The following SUGCT variants were observed in gnomAD, a reference collection of about 807,000 sequenced individuals.
SUGCT encodes the protein succinyl-CoA:glutarate CoA-transferase.
A neutral mutation model predicts 55.0 loss-of-function variants in SUGCT; 41 were observed. That is an observed-to-expected ratio of 0.74 (90% CI 0.58 to 0.97). The LOEUF is 0.97. Ranked by LOEUF, SUGCT falls within the 50% of genes least tolerant of loss-of-function variation. SUGCT has a pLI of 0.00. For missense variants in SUGCT, 568 were observed against 547.8 expected (o/e 1.04, Z -0.37); for synonymous variants, 187 against 200.4 (o/e 0.93, Z 0.56).
chr7:40,732,774 CA>C (rs1176873915), intron 12 of SUGCT, among the ~76,000 whole-genome samples: 1 of 152,112 alleles, frequency 6.6e-6, no homozygotes, highest in Non-Finnish European at 1.5e-5. Flanking sequence ...CATGCTGAAA[CA>C]GTGTGTCTGT....
chr7:40,364,623 A>G (rs892444394), intron 9 of SUGCT, among the ~76,000 whole-genome samples: 4 of 152,110 alleles, frequency 2.6e-5, no homozygotes, highest in African/African-American at 4.8e-5. Flanking sequence ...TCTTTTCTTT[A>G]AGAATGTTGA....
At chr7:40,325,569 C>T (rs1406406550) in intron 9 of SUGCT, among the ~76,000 whole-genome samples, 2 of 152,136 alleles carry the variant, frequency 1.3e-5, no homozygotes, top group African/African-American at 2.4e-5. Context: ...AAATAGGAAC[C>T]ATGGATTTAA....
intron 9 of SUGCT, among the ~76,000 whole-genome samples, chr7:40,433,276 C>T (rs371060275): frequency 1.3e-5 from 2 of 150,574 alleles, no homozygotes; most frequent in African/African-American, 4.9e-5. Flanking sequence ...TATGCCTCTG[C>T]TTCTTTAGGT....
At chr7:40,982,238 A>G in the SUGCT span, among the ~76,000 whole-genome samples, 1 of 152,242 alleles carries the variant, frequency 6.6e-6, no homozygotes, top group Non-Finnish European at 1.5e-5. Context: ...ACAAGTCCAC[A>G]GTGAACATTA....
intron 13 of SUGCT, among the ~76,000 whole-genome samples, chr7:40,833,420 T>C (rs992020475): frequency 1.4e-4 from 22 of 152,230 alleles, no homozygotes; most frequent in African/African-American, 5.3e-4. Flanking sequence ...AAATGACTCT[T>C]TTCTGTAGGA....
intron 12 of SUGCT, among the ~76,000 whole-genome samples, chr7:40,585,932 T>G (rs1236902605): frequency 6.6e-6 from 1 of 152,174 alleles, no homozygotes; most frequent in Non-Finnish European, 1.5e-5. Flanking sequence ...CCATCTGTCT[T>G]GGCCTCCAAT....
At chr7:40,846,236 T>C (rs1793549972) in intron 13 of SUGCT, among the ~76,000 whole-genome samples, 1 of 152,334 alleles carries the variant, frequency 6.6e-6, no homozygotes, top group East Asian at 1.9e-4. Flanking sequence ...GAGCTTGTAT[T>C]GAATATTTGA....
At chr7:40,334,360 C>T (rs1179028781) in intron 9 of SUGCT, among the ~76,000 whole-genome samples, 5 of 152,176 alleles carry the variant, frequency 3.3e-5, no homozygotes, top group Non-Finnish European at 5.9e-5. Context: ...AGTTTACAAT[C>T]CCACCAACAG....
At chr7:40,515,914 G>A (rs369563430) in intron 12 of SUGCT, among the ~76,000 whole-genome samples, 10 of 152,138 alleles carry the variant, frequency 6.6e-5, no homozygotes, top group African/African-American at 9.7e-5. Context: ...ACGTGGCTGC[G>A]CCATTTTCCA....
intron 12 of SUGCT, among the ~76,000 whole-genome samples, chr7:40,584,848 T>A (rs1180941412): frequency 1.3e-5 from 2 of 152,234 alleles, no homozygotes; most frequent in African/African-American, 4.8e-5. Flanking sequence ...GTAATGACTC[T>A]GACTTCCCAG....
At chr7:40,429,323 G>T (rs746320749) in intron 9 of SUGCT, among the ~76,000 whole-genome samples, 1 of 152,058 alleles carries the variant, frequency 6.6e-6, no homozygotes, top group Non-Finnish European at 1.5e-5. Context: ...TGGTGTATTA[G>T]TCAGGGTTCT....
At chr7:40,490,405 C>T (rs983743260) in intron 11 of SUGCT, among the ~76,000 whole-genome samples, 1 of 152,102 alleles carries the variant, frequency 6.6e-6, no homozygotes, top group African/African-American at 2.4e-5. Context: ...GGTGGGGAAC[C>T]TGAATGTCTG....
chr7:40,513,894 A>G (rs549697405), intron 12 of SUGCT, among the ~76,000 whole-genome samples: 7 of 144,314 alleles, frequency 4.9e-5, no homozygotes, highest in Non-Finnish European at 1.0e-4. Flanking sequence ...GGTTTAGGCC[A>G]TTCTCCTGCC....
chr7:40,151,153 T>G (rs1452503713), intron 1 of SUGCT, among the ~76,000 whole-genome samples: 1 of 152,116 alleles, frequency 6.6e-6, no homozygotes, highest in African/African-American at 2.4e-5. Context: ...GGCAGGAGAA[T>G]CGCTTGAACC....
chr7:40,522,612 A>G (rs1272015857), intron 12 of SUGCT, among the ~76,000 whole-genome samples: 1 of 152,132 alleles, frequency 6.6e-6, no homozygotes, highest in South Asian at 2.1e-4. Context: ...TGGAGAAAAA[A>G]TTTTGTAGGA....
chr7:40,376,514 C>G (rs1351953941), intron 9 of SUGCT, among the ~76,000 whole-genome samples: 2 of 151,952 alleles, frequency 1.3e-5, no homozygotes, highest in Non-Finnish European at 2.9e-5. Context: ...GCCTCAGCCT[C>G]CTGAGTAGCT....
intron 12 of SUGCT, among the ~76,000 whole-genome samples, chr7:40,748,152 G>T (rs1414955565): frequency 6.6e-6 from 1 of 152,100 alleles, no homozygotes; most frequent in Non-Finnish European, 1.5e-5. Context: ...TCCCATTGTT[G>T]TGGGATTAGG....
In SUGCT at chr7:40,476,062, ACT is replaced by A. The variant is rs149023002; in HGVS notation, c.986+16867_986+16868del. ...TCAGTTCTAATCCTGGCTCTTGCTA[ACT>A]CTGTCATGTTGGTAAATCATTTAAA... On this transcript the variant is annotated intron_variant, in intron 11 of 13. Transcript: ENST00000335693. 3.0e-3 allele frequency among the ~76,000 whole-genome samples: 457 copies of A among 152,136 alleles called. 2 individuals carry two copies. The highest frequency in any genetic ancestry group is 9.7e-3 in the African/African-American group (404 of 41,510).
the SUGCT span, among the ~76,000 whole-genome samples, chr7:40,934,840 G>A: frequency 6.6e-6 from 1 of 152,280 alleles, no homozygotes; most frequent in Middle Eastern, 3.4e-3. Context: ...TCCAGGTACA[G>A]TCTGTCACAG....
Sources: allele counts gnomAD v4.1 joint callset (sites outside exome capture counted in the v4.1 genomes callset), GRCh38; gene constraint gnomAD v4.1.1; transcripts MANE v1.5; gene names NCBI Gene and HGNC (gene_info 2026-07-23, HGNC 2026-07-21).